CEP192: variants seen among roughly 807,000 people sequenced by gnomAD.
The protein encoded by CEP192 is centrosomal protein 192.
In CEP192, 151 loss-of-function variants were observed where a neutral mutation model predicts 271.8. The observed-to-expected ratio is 0.56, with a 90% CI of 0.49 to 0.64. The LOEUF is 0.64. CEP192 is among the 30% of genes least tolerant of loss of function. The pLI is 0.00. For synonymous variants in CEP192, 995 were observed against 1,076.5 expected, an observed-to-expected ratio of 0.92 and a Z score of 1.48; for missense variants, 2,910 against 3,020.5, an observed-to-expected ratio of 0.96 and a Z score of 0.86.
chr18:13,092,409 C>T lies in CEP192; in HGVS notation c.6136C>T (p.Gln2046Ter). The T allele has an allele frequency of 6.2e-7, 1 of 1,602,488 alleles. No homozygotes were observed. Among genetic ancestry groups the T allele is most frequent in the Non-Finnish European group, 8.5e-7 (1 of 1,172,336 alleles). The stretch of plus-strand genomic sequence containing the variant: ...TCTTCCCCAACGACCTAATGATGTT[C>T]AGCTCTTTTATGGAAGCATGTGTAA... The part of the protein sequence containing the change: ...YDLPQRPNDV[Q>*]LFYGSMCKII... Residue 2046 changes from glutamine (Q) to a stop codon, truncating the protein, a stop_gained, in exon 34 of 45, where the codon CAG becomes TAG. Transcript: ENST00000506447. LOFTEE classifies it high-confidence loss of function.
chr18:13,093,344 C>T (rs2144765518), intron 34 of CEP192, among the ~76,000 whole-genome samples: 1 of 152,318 alleles, frequency 6.6e-6, no homozygotes, highest in Middle Eastern at 3.4e-3. Flanking sequence ...TAACCTTCCT[C>T]TTTGCTGCTT....
chr18:13,041,467 A>G (rs1598430890), intron 14 of CEP192, among the ~76,000 whole-genome samples: 1 of 152,134 alleles, frequency 6.6e-6, no homozygotes, highest in East Asian at 1.9e-4. Context: ...CCTGTATTCT[A>G]GTAGGGGAGT....
chr18:13,008,741 T>C, intron 4 of CEP192, 110 bp downstream of exon 4: 1 of 841,014 alleles, frequency 1.2e-6, no homozygotes, highest in South Asian at 1.9e-5. Flanking sequence ...CGCACTCCTG[T>C]CGCCCAGGCT....
intron 11 of CEP192, among the ~76,000 whole-genome samples, chr18:13,031,243 G>GTT (rs60557979): frequency 0.032 from 3,210 of 101,572 alleles, 228 homozygotes; most frequent in African/African-American, 0.1. Context: ...CCTTATTGTT[G>GTT]TTTTTTTTTT....
chr18:13,114,984 A>G (rs1387804512), intron 42 of CEP192, among the ~76,000 whole-genome samples: 1 of 152,214 alleles, frequency 6.6e-6, no homozygotes, highest in Non-Finnish European at 1.5e-5. Flanking sequence ...TATAATCCTT[A>G]ATTAACTAGT....
At chr18:13,015,199 C>A in intron 5 of CEP192, 129 bp from the exon 6 acceptor site, 2 of 846,012 alleles carry the variant, frequency 2.4e-6, no homozygotes, top group Non-Finnish European at 3.5e-6. Context: ...CCTTTATTGC[C>A]TAAGCTGTGA....
intron 3 of CEP192, among the ~76,000 whole-genome samples, chr18:13,001,888 G>A (rs2033668766): frequency 6.6e-6 from 1 of 152,102 alleles, no homozygotes; most frequent in Non-Finnish European, 1.5e-5. Flanking sequence ...TGTATTTTTA[G>A]TAGAGATGGG....
Position 13,089,478 on chromosome 18 carries a change from A to G in CEP192, c.6016A>G (p.Met2006Val), listed in dbSNP as rs368384418. ...YRRALLHKPE[M>V]IKQILPEHSV... ...CAGGGCCCTGTTACATAAACCAGAG[A>G]TGATAAAACAGATACTTCCAGAACA... Residue 2006 changes from methionine (M) to valine (V), a missense_variant, in exon 33 of 45, where the codon ATG becomes GTG. By Grantham distance (21) the Met-to-Val change is conservative. Coordinates refer to ENST00000506447, the MANE Select transcript of CEP192 (RefSeq NM_032142.4). The G allele has an allele frequency of 3.8e-6, 6 of 1,596,356 alleles. No individual in the cohort carries two copies. The highest frequency in any genetic ancestry group is 1.3e-5 in the African/African-American group (1 of 74,396).
intron 43 of CEP192, among the ~76,000 whole-genome samples, chr18:13,117,168 TG>T (rs1388371808): frequency 1.3e-5 from 2 of 152,002 alleles, no homozygotes; most frequent in African/African-American, 4.8e-5. Context: ...GAGGCTGCAG[TG>T]AGCCATGATT....
intron 40 of CEP192, 68 bp from the exon 41 acceptor site, chr18:13,113,517 AC>A (rs2040299342): frequency 4.8e-6 from 7 of 1,454,456 alleles, no homozygotes; most frequent in Non-Finnish European, 6.6e-6. Context: ...AAATCTTTGA[AC>A]TGGTGATCTA....
intron 4 of CEP192, among the ~76,000 whole-genome samples, chr18:13,012,620 A>G (rs1472436947): frequency 6.6e-6 from 1 of 152,104 alleles, no homozygotes; most frequent in Non-Finnish European, 1.5e-5. Context: ...TGCCTTGTTG[A>G]AATACTCTAG....
intron 4 of CEP192, among the ~76,000 whole-genome samples, chr18:13,010,243 T>C (rs942228966): frequency 6.6e-6 from 1 of 152,220 alleles, no homozygotes; most frequent in Non-Finnish European, 1.5e-5. Flanking sequence ...CACTTTCTTT[T>C]ATCAAAGAAA....
intron 5 of CEP192, among the ~76,000 whole-genome samples, chr18:13,014,358 T>C (rs926994455): frequency 4.6e-5 from 7 of 152,108 alleles, no homozygotes; most frequent in Admixed American, 4.6e-4. Context: ...GAAAACAGAC[T>C]GAAGGGAGCT....
intron 1 of CEP192, among the ~76,000 whole-genome samples, chr18:12,998,745 G>A (rs1195275933): frequency 1.3e-5 from 2 of 151,904 alleles, no homozygotes; most frequent in Non-Finnish European, 2.9e-5. Context: ...TGATTTCCAT[G>A]CAGTGTGTAT....
intron 9 of CEP192, among the ~76,000 whole-genome samples, chr18:13,020,165 T>C (rs1275133698): frequency 6.6e-6 from 1 of 152,166 alleles, no homozygotes; most frequent in African/African-American, 2.4e-5. Context: ...ACATTTACAT[T>C]GTGCAGCCAA....
At chr18:13,120,249 T>G (rs1355125834) in intron 44 of CEP192, among the ~76,000 whole-genome samples, 1 of 151,910 alleles carries the variant, frequency 6.6e-6, no homozygotes, top group African/African-American at 2.4e-5. Flanking sequence ...AGGGGATTTT[T>G]GAAAGATGCC....
intron 6 of CEP192, among the ~76,000 whole-genome samples, chr18:13,015,675 G>T (rs566192583): frequency 6.6e-6 from 1 of 152,160 alleles, no homozygotes; most frequent in South Asian, 2.1e-4. Context: ...AACATAGTTA[G>T]GGTACAAAGT....
At chr18:13,084,062 A>T (rs1466139842) in intron 30 of CEP192, among the ~76,000 whole-genome samples, 1 of 152,160 alleles carries the variant, frequency 6.6e-6, no homozygotes, top group Non-Finnish European at 1.5e-5. Flanking sequence ...TCTCCCAGCT[A>T]GGCTACACGG....
intron 9 of CEP192, chr18:13,024,248 C>G (rs2035160639): frequency 2.2e-6 from 1 of 451,924 alleles, no homozygotes; most frequent in Non-Finnish European, 4.4e-6. Context: ...TAGTACCCTG[C>G]CTTATCTCTG....
Sources: allele counts gnomAD v4.1 joint callset (sites outside exome capture counted in the v4.1 genomes callset), GRCh38; gene constraint gnomAD v4.1.1; transcripts MANE v1.5; gene names NCBI Gene and HGNC (gene_info 2026-07-23, HGNC 2026-07-21).